Variants in SYTL3 observed in about 807,000 individuals in gnomAD.
SYTL3 encodes the protein synaptotagmin-like protein 3.
In SYTL3, 88 loss-of-function variants were observed where a neutral mutation model predicts 82.1. That is an observed-to-expected ratio of 1.07 (90% CI 0.90 to 1.28). The LOEUF is 1.28. Among genes scored for constraint, SYTL3 ranks in the 50% most tolerant of loss-of-function variants. SYTL3 has a pLI of 0.00. For synonymous variants in SYTL3, 311 were observed against 289.4 expected (o/e 1.07, Z -0.76); for missense variants, 831 against 757.6 (o/e 1.10, Z -1.14).
rs1438150629 is a variant in SYTL3, at chr6:158,663,334, G to A, written c.66G>A (p.Leu22=). ...ELEREAILQV[L]YRDQAVQNTE... ...AACGCGAGGCCATTCTCCAGGTCCT[G>A]TACCGAGACCAGGCGGTTCAAAACA... Residue 22 remains leucine (L), a synonymous_variant, in exon 4 of 18, where the codon CTG becomes CTA. Coordinates refer to ENST00000611299, the MANE Select transcript of SYTL3 (RefSeq NM_001242394.2). 2.5e-6 allele frequency: 4 copies of A among 1,613,968 alleles called. No homozygotes were observed. In the Admixed American group the frequency reaches 6.7e-5, roughly 27 times the overall value.
chr6:158,700,562 A>C (rs981314772), intron 6 of SYTL3, among the ~76,000 whole-genome samples: 1 of 130,794 alleles, frequency 7.6e-6, no homozygotes, highest in African/African-American at 3.0e-5. Context: ...CAAATGAAGT[A>C]ATGCTTCCTG....
At chr6:158,731,981 T>G (rs1785472668) in intron 11 of SYTL3, among the ~76,000 whole-genome samples, 1 of 152,212 alleles carries the variant, frequency 6.6e-6, no homozygotes, top group African/African-American at 2.4e-5. Context: ...CAAAAACAGC[T>G]TACTACTTCA....
chr6:158,649,316 C>G (rs546602813), upstream of SYTL3, among the ~76,000 whole-genome samples: 14 of 152,354 alleles, frequency 9.2e-5, no homozygotes, highest in African/African-American at 3.4e-4. Flanking sequence ...CAAGGATCTT[C>G]CATGGCTCTG....
upstream of SYTL3, among the ~76,000 whole-genome samples, chr6:158,649,041 C>T (rs1277755637): frequency 2.0e-5 from 3 of 152,220 alleles, no homozygotes; most frequent in Non-Finnish European, 4.4e-5. Context: ...GTGACTGCAG[C>T]CCCTTCCCTG....
intron 6 of SYTL3, among the ~76,000 whole-genome samples, chr6:158,687,837 A>G (rs1779454482): frequency 6.6e-6 from 1 of 152,226 alleles, no homozygotes. Flanking sequence ...TGATTACAGA[A>G]GTAATGCAAA....
intron 6 of SYTL3, among the ~76,000 whole-genome samples, chr6:158,704,373 A>AG (rs1455683325): frequency 6.6e-6 from 1 of 152,226 alleles, no homozygotes; most frequent in Non-Finnish European, 1.5e-5. Context: ...TGCAGCCGGC[A>AG]GGGGGCAGCA....
At chr6:158,739,821 G>T (rs1182458079) in intron 11 of SYTL3, among the ~76,000 whole-genome samples, 1 of 152,052 alleles carries the variant, frequency 6.6e-6, no homozygotes, top group African/African-American at 2.4e-5. Context: ...GGCCCTGTAT[G>T]TCTCTTATAC....
chr6:158,693,845 T>TTGTTC (rs1780229864), intron 6 of SYTL3, among the ~76,000 whole-genome samples: 1 of 76,790 alleles, frequency 1.3e-5, no homozygotes, highest in South Asian at 4.4e-4. Flanking sequence ...CCAGCCTTTC[T>TTGTTC]TTTTCTTTTC....
At chr6:158,732,044 G>A (rs543226197) in intron 11 of SYTL3, among the ~76,000 whole-genome samples, 2 of 152,286 alleles carry the variant, frequency 1.3e-5, no homozygotes, top group African/African-American at 2.4e-5. Flanking sequence ...GACATAGTAA[G>A]TTCCTTTAAG....
intron 5 of SYTL3, among the ~76,000 whole-genome samples, chr6:158,667,763 C>G (rs1421135917): frequency 1.3e-5 from 2 of 152,164 alleles, no homozygotes; most frequent in East Asian, 1.9e-4. Context: ...CCAAAACCAA[C>G]CAACCAACTC....
chr6:158,701,550 G>T lies in SYTL3; in HGVS notation c.395-5680G>T, dbSNP rs570450280. Among the ~76,000 whole-genome samples the T allele has an allele frequency of 3.2e-4, 48 of 150,284 alleles. 2 individuals are homozygous for T. Among genetic ancestry groups the T allele is most frequent in the African/African-American group, 8.6e-4 (35 of 40,724 alleles). ...GGGTGTAGATGAAGAGCTGTTCTGG[G>T]GGGGAGGAGGCGTGGGGAGAGGCAC... is the stretch of plus-strand genomic sequence containing the variant. On this transcript the variant is annotated intron_variant, in intron 6 of 17. Coordinates refer to ENST00000611299, the MANE Select transcript of SYTL3 (RefSeq NM_001242394.2).
chr6:158,742,479 G>A (rs1253904108), intron 11 of SYTL3, among the ~76,000 whole-genome samples: 2 of 152,122 alleles, frequency 1.3e-5, no homozygotes, highest in Admixed American at 6.5e-5. Flanking sequence ...GATCCCAGCT[G>A]AAGGTCTGGA....
In SYTL3 at chr6:158,665,595, C is replaced by T. The variant is rs752709885; in HGVS notation, c.311C>T (p.Thr104Met). The T allele has an allele frequency of 1.7e-5, 27 of 1,565,872 alleles. No homozygotes were observed. In the East Asian group the frequency reaches 4.9e-4, roughly 28 times the overall value. Residue 104 changes from threonine to methionine, a missense_variant, in exon 5 of 18, where the codon ACG becomes ATG. Coordinates refer to ENST00000611299, the MANE Select transcript of SYTL3 (RefSeq NM_001242394.2). ...AGGGGGACCCATGCCTGGAAGTGCACGGTGTGCTTCGAGGACAGGTAAGCA... is the reference window on the plus strand; with the variant it reads ...AGGGGGACCCATGCCTGGAAGTGCATGGTGTGCTTCGAGGACAGGTAAGCA... ...FLRGTHAWKC[T>M]VCFEDRNVKI...
rs764077330 is a variant in SYTL3, at chr6:158,665,460, AAG to A, written c.180_181del (p.Lys61ValfsTer61). 1.3e-5 allele frequency: 21 copies of A among 1,608,994 alleles called. No homozygotes were observed. The highest frequency in any genetic ancestry group is 1.8e-5 in the Non-Finnish European group (21 of 1,177,870). On this transcript the variant is annotated frameshift_variant, in exon 5 of 18. Coordinates refer to ENST00000611299, the MANE Select transcript of SYTL3 (RefSeq NM_001242394.2). LOFTEE classifies it high-confidence loss of function. ...GCGAAGAACACGGACTGGGAGCACA[AAG>A]AGAAGTGCTGTGCGCGCTGCCAGCA...
intron 11 of SYTL3, among the ~76,000 whole-genome samples, 182 bp from the exon 12 acceptor site, chr6:158,745,298 T>C (rs1787479450): frequency 9.2e-6 from 1 of 108,688 alleles, no homozygotes; most frequent in Admixed American, 8.0e-5. Context: ...GGATTCTCTG[T>C]CTCCTTGAGA....
chr6:158,752,689 G>T (rs528158940), intron 13 of SYTL3, among the ~76,000 whole-genome samples: 2 of 152,342 alleles, frequency 1.3e-5, no homozygotes, highest in Admixed American at 1.3e-4. Context: ...GGGTGAGGGG[G>T]GTAGCCCAGA....
Position 158,660,135 on chromosome 6 carries a change from G to A in SYTL3, c.-636-1134G>A, listed in dbSNP as rs183583772. On this transcript the variant is annotated intron_variant, in intron 2 of 17. Transcript: ENST00000611299. Reference sequence around the variant, plus strand: ...CAAAAATTAGCCGGGCGTGGTGGCGGGCACCTGTAATCCCAGCTACTCGGA... The same window carrying A: ...CAAAAATTAGCCGGGCGTGGTGGCGAGCACCTGTAATCCCAGCTACTCGGA... Among the ~76,000 whole-genome samples the A allele has an allele frequency of 3.3e-3, 509 of 152,158 alleles. 2 individuals are homozygous for A. Among genetic ancestry groups the A allele is most frequent in the African/African-American group, 0.012 (488 of 41,508 alleles).
Position 158,763,322 on chromosome 6 carries a change from C to T in SYTL3, c.1536C>T (p.Asp512=), listed in dbSNP as rs1459614986. The T allele has an allele frequency of 1.2e-6, 2 of 1,614,072 alleles. No individual in the cohort carries two copies. Among genetic ancestry groups the T allele is most frequent in the Non-Finnish European group, 1.7e-6 (2 of 1,180,044 alleles). ...TCTTCAGCTGTCTCACTCTGCCAGA[C>T]CAACAAAAACTGAGACTGAAGTCGC... ...SFVKGCLTLP[D]QQKLRLKSPV... The change falls in exon 17 of 18, where the codon GAC becomes GAT. Residue 512 remains aspartate, a synonymous_variant. Transcript: ENST00000611299.
At chr6:158,756,251 G>T (rs1023069025) in intron 13 of SYTL3, among the ~76,000 whole-genome samples, 2 of 152,196 alleles carry the variant, frequency 1.3e-5, no homozygotes, top group African/African-American at 4.8e-5. Flanking sequence ...TCACTCTTGG[G>T]TGTGTTGGGA....
Sources: allele counts gnomAD v4.1 joint callset (sites outside exome capture counted in the v4.1 genomes callset), GRCh38; gene constraint gnomAD v4.1.1; transcripts MANE v1.5; gene names NCBI Gene and HGNC (gene_info 2026-07-23, HGNC 2026-07-21).